Variants in SLC52A1 observed in about 807,000 individuals in gnomAD.
SLC52A1 encodes the protein solute carrier family 52 member 1, also known as solute carrier family 52, riboflavin transporter, member 1.
Under a neutral mutation model 23.2 loss-of-function variants are expected in SLC52A1, and 20 were observed. The observed-to-expected ratio is 0.86, with a 90% confidence interval of 0.61 to 1.25. SLC52A1 has a LOEUF of 1.25. Ranked by LOEUF, SLC52A1 falls within the 50% of genes most tolerant of loss-of-function variation. The pLI is 0.00. For missense variants in SLC52A1, 528 were observed against 557.0 expected, an observed-to-expected ratio of 0.95 and a Z score of 0.52; for synonymous variants, 260 against 256.6, an observed-to-expected ratio of 1.01 and a Z score of -0.13.
At chr17:5,036,789 C>T (rs1975470716), upstream of SLC52A1, among the ~76,000 whole-genome samples, 1 of 152,020 alleles carries the variant, frequency 6.6e-6, no homozygotes, top group African/African-American at 2.4e-5. Context: ...TTTTGTATGG[C>T]CTGCTAGCTA....
At chr17:5,042,184 A>G (rs576145102) in intron 1 of SLC52A1, among the ~76,000 whole-genome samples, 1 of 152,246 alleles carries the variant, frequency 6.6e-6, no homozygotes, top group South Asian at 2.1e-4. Context: ...GGCGCACACA[A>G]TCCCTGCAGC....
intron 1 of SLC52A1, 37 bp downstream of exon 1, chr17:5,034,824 C>T (rs555679921): frequency 2.1e-5 from 6 of 279,190 alleles, no homozygotes; most frequent in East Asian, 1.7e-4. Context: ...GAGAGGTGGC[C>T]GGGGGCGGGC....
chr17:5,041,406 C>T (rs569662346), intron 1 of SLC52A1, among the ~76,000 whole-genome samples: 1 of 152,218 alleles, frequency 6.6e-6, no homozygotes, highest in South Asian at 2.1e-4. Flanking sequence ...TCTCAGCCTC[C>T]CAAGTAGCTG....
upstream of SLC52A1, among the ~76,000 whole-genome samples, chr17:5,038,394 A>C (rs1318999085): frequency 6.7e-6 from 1 of 149,266 alleles, no homozygotes; most frequent in African/African-American, 2.5e-5. Flanking sequence ...CCTGTCTCTT[A>C]AAAAAAAAAT....
In SLC52A1 at chr17:5,033,757, C is replaced by T. The variant is rs1266302308; in HGVS notation, c.732G>A (p.Glu244=). The T allele has an allele frequency of 1.2e-6, 2 of 1,614,122 alleles. No homozygotes were observed. The highest frequency in any genetic ancestry group is 2.7e-5 in the African/African-American group (2 of 74,954). ...QLGSPGAEEE[E]KEEEEALPLQ... ...ATGGCAAAGCCTCTTCTTCCTCCTT[C>T]TCTTCCTCCTCTGCTCCTGGGGATC... The change falls in exon 3 of 5, where the codon GAG becomes GAA. Residue 244 remains glutamate (E), a synonymous_variant. Coordinates refer to ENST00000254853, the MANE Select transcript of SLC52A1 (RefSeq NM_017986.4).
At chr17:5,039,021 G>T (rs1247438708), upstream of SLC52A1, among the ~76,000 whole-genome samples, 2 of 143,970 alleles carry the variant, frequency 1.4e-5, no homozygotes, top group African/African-American at 5.2e-5. Flanking sequence ...TGGAAACCGA[G>T]GCACATAAAG....
chr17:5,037,906 CTTCCTTCCT>C (rs1567736790), upstream of SLC52A1, among the ~76,000 whole-genome samples: 16 of 49,134 alleles, frequency 3.3e-4, no homozygotes, highest in Non-Finnish European at 5.9e-4. Flanking sequence ...TTCTTTCTTT[CTTCCTTCCT>C]TTTTTTTTTT....
chr17:5,036,467 A>G (rs1975461559), upstream of SLC52A1, among the ~76,000 whole-genome samples: 1 of 120,648 alleles, frequency 8.3e-6, no homozygotes, highest in Non-Finnish European at 1.6e-5. Flanking sequence ...GCTGGAGTGC[A>G]GTGGCGCGAT....
Position 5,034,487 on chromosome 17 carries a change from G to C in SLC52A1, c.120C>G (p.Asp40Glu), listed in dbSNP as rs1975410352. Residue 40 changes from aspartate to glutamate, a missense_variant, in exon 2 of 5, where the codon GAC becomes GAG. Transcript: ENST00000254853. ...IWVELPVVVKDLPEGWSLPSY... is the reference protein window; with the variant it reads ...IWVELPVVVKELPEGWSLPSY... ...CTCCCTCCCACTCACCCTCTGGAAG[G>C]TCTTTTACCACCACAGGCAGCTCCA... 6.2e-7 allele frequency: 1 copy of C among 1,614,182 alleles called. No homozygotes were observed. The highest frequency in any genetic ancestry group is 8.5e-7 in the Non-Finnish European group (1 of 1,180,036).
upstream of SLC52A1, among the ~76,000 whole-genome samples, chr17:5,039,820 G>T (rs1567737374): frequency 6.6e-6 from 1 of 152,172 alleles, no homozygotes. Flanking sequence ...TAGGGACCTT[G>T]CAGAAGAGGG....
upstream of SLC52A1, among the ~76,000 whole-genome samples, chr17:5,038,262 T>C (rs752281441): frequency 5.5e-4 from 83 of 152,074 alleles, no homozygotes; most frequent in Admixed American, 2.8e-3. Flanking sequence ...CACAGTGGTG[T>C]GTGCCTGTAA....
rs773238417 is a variant in SLC52A1, at chr17:5,034,549, CA to C, written c.57del (p.Phe19LeufsTer9). On this transcript the variant is annotated frameshift_variant, in exon 2 of 5. Coordinates refer to ENST00000254853, the MANE Select transcript of SLC52A1 (RefSeq NM_017986.4). LOFTEE classifies it high-confidence loss of function. The stretch of plus-strand genomic sequence containing the variant: ...TTCACAGCAGCCCAGGAGCCCATGC[CA>C]AAAAGGGCCACCAGCAGGTGGGTCA... ...LVLTHLLVAL[F>X]GMGSWAAVNG... is the part of the protein sequence containing the mutation. 1.2e-6 allele frequency: 2 copies of C among 1,614,182 alleles called. No individual in the cohort carries two copies. Among genetic ancestry groups the C allele is most frequent in the Admixed American group, 1.7e-5 (1 of 60,016 alleles).
chr17:5,033,211 C>T, intron 4 of SLC52A1, 42 bp from the exon 5 acceptor site: 1 of 1,612,906 alleles, frequency 6.2e-7, no homozygotes. Flanking sequence ...ATGACATGCA[C>T]TTGCTCCAGG....
chr17:5,042,042 C>T (rs998442526), intron 1 of SLC52A1, among the ~76,000 whole-genome samples: 9 of 152,270 alleles, frequency 5.9e-5, no homozygotes, highest in African/African-American at 2.2e-4. Flanking sequence ...AGCCGTCCAA[C>T]TTCCAATTTT....
intron 1 of SLC52A1, 71 bp from the exon 2 acceptor site, chr17:5,034,784 T>G: frequency 1.4e-6 from 1 of 713,620 alleles, no homozygotes; most frequent in Non-Finnish European, 2.1e-6. Context: ...GACAAGTCGG[T>G]CAGACTGCTA....
upstream of SLC52A1, among the ~76,000 whole-genome samples, chr17:5,038,010 C>T (rs895692731): frequency 6.6e-6 from 1 of 150,414 alleles, no homozygotes; most frequent in Non-Finnish European, 1.5e-5. Context: ...GCTCTGCCTC[C>T]CAGGTTCACG....
At position 5,034,108 on chromosome 17, in the gene SLC52A1, G is replaced by C. The variant is rs983642564; in HGVS notation, c.381C>G (p.Thr127=). The C allele has an allele frequency of 6.2e-7, 1 of 1,614,108 alleles. No homozygotes were observed. Among genetic ancestry groups the C allele is most frequent in the African/African-American group, 1.3e-5 (1 of 74,936 alleles). The part of the protein sequence containing the change: ...LALVLAMACC[T]SNVTFLPFLS... ...GGAAGGGCAGGAAAGTGACATTAGA[G>C]GTACAACAGGCCATTGCCAACACCA... The change falls in exon 3 of 5, where the codon ACC becomes ACG. Residue 127 remains threonine (T), a synonymous_variant. Transcript: ENST00000254853.
chr17:5,033,609 T>G lies in SLC52A1; in HGVS notation c.880A>C (p.Asn294His), dbSNP rs1302739228. The G allele has an allele frequency of 6.2e-7, 1 of 1,613,970 alleles. No homozygotes were observed. ...CTCTGCACAGAAGGCAGCACGCCAT[T>G]GGTCACGGCACTGGTGAAGGCCATC... ...GLMAFTSAVT[N>H]GVLPSVQSFS... The change falls in exon 3 of 5, where the codon AAT becomes CAT. Residue 294 changes from asparagine (N) to histidine (H), a missense_variant. Coordinates refer to ENST00000254853, the MANE Select transcript of SLC52A1 (RefSeq NM_017986.4).
At chr17:5,036,155 C>A (rs1293361814), upstream of SLC52A1, among the ~76,000 whole-genome samples, 1 of 149,532 alleles carries the variant, frequency 6.7e-6, no homozygotes, top group Non-Finnish European at 1.5e-5. Flanking sequence ...CCTCAGCCTC[C>A]CGAGTAGCTG....
Sources: gnomAD v4.1 joint callset for allele counts (sites outside exome capture counted in the v4.1 genomes callset) on GRCh38, gnomAD v4.1.1 for gene constraint, MANE v1.5 for transcripts, NCBI Gene and HGNC (gene_info 2026-07-23, HGNC 2026-07-21) for gene names.